Variants in ANO3 observed in about 807,000 individuals in gnomAD.
ANO3 encodes anoctamin 3.
Under a neutral mutation model 144.8 loss-of-function variants are expected in ANO3, and 99 were observed. The observed-to-expected ratio is 0.68, with a 90% CI of 0.58 to 0.81. The LOEUF is 0.81. Among genes scored for constraint, ANO3 ranks in the 30% least tolerant of loss-of-function variants. ANO3 has a pLI of 0.00. For missense variants in ANO3, 905 were observed against 1,202.2 expected, an observed-to-expected ratio of 0.75 and a Z score of 3.66; for synonymous variants, 414 against 392.6, an observed-to-expected ratio of 1.05 and a Z score of -0.64.
chr11:26,581,458 G>C (rs558266441), intron 14 of ANO3, among the ~76,000 whole-genome samples: 1 of 152,098 alleles, frequency 6.6e-6, no homozygotes, highest in South Asian at 2.1e-4. Context: ...GGAGGCCAAG[G>C]CAGGTGGATC....
At chr11:26,192,233 A>G (rs1403853816) in intron 1 of ANO3, among the ~76,000 whole-genome samples, 2 of 152,156 alleles carry the variant, frequency 1.3e-5, no homozygotes, top group South Asian at 2.1e-4. Context: ...TCTATTTTGT[A>G]TGCTAGGAAT....
intron 1 of ANO3, among the ~76,000 whole-genome samples, chr11:26,435,700 C>T (rs72886259): frequency 0.042 from 6,361 of 152,242 alleles, 183 homozygotes; most frequent in African/African-American, 0.078. Context: ...CTTGCTGCTG[C>T]ATTGTGAAAT....
intron 1 of ANO3, among the ~76,000 whole-genome samples, chr11:26,391,974 A>G (rs550195987): frequency 3.2e-3 from 36 of 11,126 alleles, no homozygotes; most frequent in Non-Finnish European, 4.4e-3. Context: ...TGCTGTGTCC[A>G]AAAAATGTCG....
chr11:26,483,089 T>A (rs2134091724), intron 4 of ANO3, among the ~76,000 whole-genome samples: 1 of 152,260 alleles, frequency 6.6e-6, no homozygotes, highest in Non-Finnish European at 1.5e-5. Context: ...GCTATATACC[T>A]AGTAATGAGA....
chr11:26,431,717 A>G lies in ANO3; in HGVS notation c.47-10201A>G, dbSNP rs183609925. ...CTCCAGCTCCATCCATGTTCCTGCA[A>G]AGGACATGATCTTGTTCTTTTTATG... is the stretch of plus-strand genomic sequence containing the variant. On this transcript the variant is annotated intron_variant, in intron 1 of 26. Coordinates refer to ENST00000256737, the MANE Select transcript of ANO3 (RefSeq NM_031418.4). Among the ~76,000 whole-genome samples, 63 of 152,308 alleles carry G rather than the reference A, an allele frequency of 4.1e-4. 1 individual carries two copies. The highest frequency in any genetic ancestry group is 2.9e-4 in the Non-Finnish European group (20 of 68,018).
At chr11:26,447,036 C>A (rs989639997) in intron 3 of ANO3, among the ~76,000 whole-genome samples, 15 of 151,728 alleles carry the variant, frequency 9.9e-5, no homozygotes, top group African/African-American at 3.2e-4. Context: ...GTGGTGAGAC[C>A]CTGTTTCTAC....
intron 4 of ANO3, among the ~76,000 whole-genome samples, chr11:26,496,659 G>T (rs1328032486): frequency 6.6e-6 from 1 of 152,018 alleles, no homozygotes; most frequent in Non-Finnish European, 1.5e-5. Context: ...TACCTATTAG[G>T]TAATTTCTCA....
At chr11:26,469,808 A>T (rs897758373) in intron 4 of ANO3, among the ~76,000 whole-genome samples, 32 of 151,972 alleles carry the variant, frequency 2.1e-4, no homozygotes, top group African/African-American at 7.5e-4. Flanking sequence ...GTAATTTATA[A>T]TGTAAGAATG....
At chr11:26,358,230 G>A (rs554844141) in intron 1 of ANO3, among the ~76,000 whole-genome samples, 14 of 141,872 alleles carry the variant, frequency 9.9e-5, no homozygotes, top group South Asian at 6.9e-4. Flanking sequence ...GGAGTGCAGC[G>A]GCGCCATCTC....
chr11:26,454,078 T>A (rs557476806), intron 3 of ANO3, among the ~76,000 whole-genome samples: 1 of 150,476 alleles, frequency 6.6e-6, no homozygotes, highest in Non-Finnish European at 1.5e-5. Flanking sequence ...TTCAAAGCAG[T>A]GTGTAGAGGA....
intron 1 of ANO3, among the ~76,000 whole-genome samples, chr11:26,223,683 G>A (rs1442666306): frequency 6.6e-6 from 1 of 151,196 alleles, no homozygotes; most frequent in Admixed American, 6.6e-5. Context: ...TCTGCAAGCT[G>A]TACATGAAGC....
chr11:26,510,660 A>G (rs1418992983), intron 5 of ANO3, among the ~76,000 whole-genome samples: 3 of 152,148 alleles, frequency 2.0e-5, no homozygotes, highest in Non-Finnish European at 4.4e-5. Context: ...TAAGATAAGT[A>G]ACAAACTAAC....
intron 14 of ANO3, among the ~76,000 whole-genome samples, chr11:26,589,499 C>T (rs294003): frequency 2.0e-5 from 3 of 150,698 alleles, no homozygotes; most frequent in Non-Finnish European, 4.4e-5. Context: ...GGGTTTTTTG[C>T]ATATTCACAG....
intron 1 of ANO3, among the ~76,000 whole-genome samples, chr11:26,196,807 G>A (rs1285956526): frequency 6.6e-6 from 1 of 152,164 alleles, no homozygotes; most frequent in South Asian, 2.1e-4. Flanking sequence ...AAAAAGGTGA[G>A]CAGAATAAGA....
At chr11:26,444,712 T>C (rs986172700) in intron 3 of ANO3, among the ~76,000 whole-genome samples, 1 of 152,196 alleles carries the variant, frequency 6.6e-6, no homozygotes, top group African/African-American at 2.4e-5. Context: ...CTAAAAACTG[T>C]ATCTTGGTTT....
At chr11:26,256,223 A>T (rs1853053561) in intron 1 of ANO3, among the ~76,000 whole-genome samples, 2 of 152,152 alleles carry the variant, frequency 1.3e-5, no homozygotes, top group Admixed American at 1.3e-4. Flanking sequence ...CTTCAAGATT[A>T]TACCATATGA....
In ANO3 at chr11:26,553,270, T is replaced by C; in HGVS notation, c.1311T>C (p.Thr437=). The C allele has an allele frequency of 6.6e-7, 1 of 1,522,500 alleles. No homozygotes were observed. The highest frequency in any genetic ancestry group is 9.0e-7 in the Non-Finnish European group (1 of 1,106,228). The allele number at this position is 1,522,500 out of a possible 1,614,324, so 94.3% of individuals were successfully genotyped here. Residue 437 remains threonine (T), a synonymous_variant, in exon 13 of 27, where the codon ACT becomes ACC. Coordinates refer to ENST00000256737, the MANE Select transcript of ANO3 (RefSeq NM_031418.4). ...SQVSQEICKA[T]EVFMCPLCDK... is the part of the protein sequence containing the mutation. ...CAAGCCAAGAAATTTGTAAAGCCAC[T>C]GAAGTCTTTATGTGCCCTCTCTGTG...
At chr11:26,376,949 G>T (rs566267735) in intron 1 of ANO3, among the ~76,000 whole-genome samples, 1 of 152,110 alleles carries the variant, frequency 6.6e-6, no homozygotes, top group Non-Finnish European at 1.5e-5. Context: ...AACATGTTCT[G>T]CAGTGAAGGC....
Position 26,660,445 on chromosome 11 carries a change from T to G in ANO3, c.*1T>G. The G allele has an allele frequency of 5.6e-6, 9 of 1,610,480 alleles. No homozygotes were observed. The highest frequency in any genetic ancestry group is 7.6e-6 in the Non-Finnish European group (9 of 1,178,466). ...GCCTGTTCACCATGAATGGCCTTAG[T>G]TGACACCTGTTACCCATTAGGGGTG... is the stretch of plus-strand genomic sequence containing the variant. On this transcript the variant is annotated 3_prime_UTR_variant, in exon 27 of 27. Transcript: ENST00000256737.
Sources: allele counts gnomAD v4.1 joint callset (sites outside exome capture counted in the v4.1 genomes callset), GRCh38; gene constraint gnomAD v4.1.1; transcripts MANE v1.5; gene names NCBI Gene and HGNC (gene_info 2026-07-23, HGNC 2026-07-21).